Variants in ARIH1 observed in about 807,000 individuals in gnomAD.
The protein encoded by ARIH1 is E3 ubiquitin-protein ligase ARIH1.
Under a neutral mutation model 85.0 loss-of-function variants are expected in ARIH1, and 8 were observed. That is an observed-to-expected ratio of 0.09 (90% CI 0.06 to 0.17). The LOEUF (loss-of-function observed/expected upper bound fraction) is 0.17. ARIH1 is among the 10% of genes least tolerant of loss of function. The pLI, the probability that ARIH1 is intolerant of heterozygous loss-of-function variation, is 1.00. For synonymous variants in ARIH1, 238 were observed against 253.6 expected (o/e 0.94, Z 0.59); for missense variants, 311 against 718.1 (o/e 0.43, Z 6.48).
At chr15:72,515,395 A>G (rs1348318129) in intron 1 of ARIH1, among the ~76,000 whole-genome samples, 2 of 152,190 alleles carry the variant, frequency 1.3e-5, no homozygotes, top group African/African-American at 4.8e-5. Flanking sequence ...GTCTTTGATA[A>G]TTGTAATATC....
At chr15:72,549,126 C>T (rs1173210673) in intron 3 of ARIH1, among the ~76,000 whole-genome samples, 5 of 147,340 alleles carry the variant, frequency 3.4e-5, no homozygotes, top group East Asian at 3.9e-4. Flanking sequence ...CTTGCTCTGT[C>T]GCCCAGGCTG....
intron 1 of ARIH1, among the ~76,000 whole-genome samples, chr15:72,478,894 A>G (rs1439739129): frequency 1.3e-5 from 2 of 152,134 alleles, no homozygotes; most frequent in African/African-American, 4.8e-5. Flanking sequence ...CTGAAGTGCA[A>G]TGGCAAGATC....
intron 1 of ARIH1, among the ~76,000 whole-genome samples, chr15:72,502,030 A>G (rs1219861861): frequency 6.6e-6 from 1 of 152,186 alleles, no homozygotes; most frequent in Admixed American, 6.5e-5. Context: ...TCTTGATGCA[A>G]AGTCATAGAC....
At chr15:72,493,512 G>A (rs16956988) in intron 1 of ARIH1, among the ~76,000 whole-genome samples, 5,854 of 152,138 alleles carry the variant, frequency 0.038, 339 homozygotes, top group African/African-American at 0.13. Context: ...GGGTTGGTGG[G>A]TTTTGCAGTA....
chr15:72,532,754 A>G (rs557975807), intron 2 of ARIH1, among the ~76,000 whole-genome samples: 3 of 152,258 alleles, frequency 2.0e-5, no homozygotes, highest in South Asian at 2.1e-4. Context: ...GTAACCCAGC[A>G]TGGCCACCTG....
chr15:72,575,728 A>G (rs1336781435), intron 11 of ARIH1, among the ~76,000 whole-genome samples: 1 of 152,174 alleles, frequency 6.6e-6, no homozygotes, highest in Non-Finnish European at 1.5e-5. Context: ...GGAACTTGAC[A>G]GGCTTGGAAA....
chr15:72,481,844 T>C (rs1156713539), intron 1 of ARIH1, among the ~76,000 whole-genome samples: 1 of 152,164 alleles, frequency 6.6e-6, no homozygotes, highest in Non-Finnish European at 1.5e-5. Context: ...TTCTTTTCTT[T>C]TCTTTTTTGG....
intron 3 of ARIH1, among the ~76,000 whole-genome samples, chr15:72,545,933 C>T (rs567853071): frequency 2.6e-5 from 4 of 152,112 alleles, no homozygotes; most frequent in African/African-American, 9.7e-5. Flanking sequence ...TAACTTAATT[C>T]TATGATAATT....
chr15:72,478,777 G>A (rs991935503), intron 1 of ARIH1, among the ~76,000 whole-genome samples: 3 of 152,184 alleles, frequency 2.0e-5, no homozygotes, highest in African/African-American at 7.2e-5. Flanking sequence ...TTTGACTCAG[G>A]CAGGGTGAGT....
intron 1 of ARIH1, among the ~76,000 whole-genome samples, chr15:72,511,855 G>A (rs1040522210): frequency 1.3e-5 from 2 of 151,974 alleles, no homozygotes; most frequent in African/African-American, 4.8e-5. Flanking sequence ...CTTCTTTTTC[G>A]TTTCCTAGTT....
intron 2 of ARIH1, among the ~76,000 whole-genome samples, chr15:72,538,914 T>A (rs149160406): frequency 6.6e-6 from 1 of 152,226 alleles, no homozygotes; most frequent in African/African-American, 2.4e-5. Flanking sequence ...TAGAGAAATA[T>A]AGGCCATAGG....
At chr15:72,520,921 A>G (rs1311112281) in intron 2 of ARIH1, among the ~76,000 whole-genome samples, 1 of 151,506 alleles carries the variant, frequency 6.6e-6, no homozygotes, top group Non-Finnish European at 1.5e-5. Flanking sequence ...ATGGCTCACT[A>G]TAGCCTTGAC....
chr15:72,581,480 T>C (rs1322843104), intron 12 of ARIH1: 2 of 157,516 alleles, frequency 1.3e-5, no homozygotes, highest in Non-Finnish European at 2.8e-5. Flanking sequence ...GTGGTTATCT[T>C]TAGTGGAGAA....
At position 72,584,156 on chromosome 15, in the gene ARIH1, A is replaced by T. The variant is rs1442335488; in HGVS notation, c.*864A>T. ...TTATTTTGCCCTTTCTGGTGTTGGT[A>T]TGTCTGTTGCCGGCCATGGGCCTCA... On this transcript the variant is annotated 3_prime_UTR_variant, in exon 14 of 14. Coordinates refer to ENST00000379887, the MANE Select transcript of ARIH1 (RefSeq NM_005744.5). 1 of 152,020 alleles carries T rather than the reference A, an allele frequency of 6.6e-6. No individual in the cohort carries two copies. Among genetic ancestry groups the T allele is most frequent in the Non-Finnish European group, 1.5e-5 (1 of 68,066 alleles). 9.4% of individuals were successfully genotyped at this position (152,020 alleles called of 1,614,324 possible). A position where few individuals can be genotyped will look rare whatever the true frequency, so the allele number is the denominator to read the frequency against.
intron 2 of ARIH1, among the ~76,000 whole-genome samples, chr15:72,522,765 T>A (rs1567346102): frequency 6.6e-6 from 1 of 152,184 alleles, no homozygotes; most frequent in Non-Finnish European, 1.5e-5. Context: ...CAAAGGACTC[T>A]TGTCCGAAAT....
At chr15:72,575,588 A>G (rs1242453591) in intron 11 of ARIH1, among the ~76,000 whole-genome samples, 1 of 147,662 alleles carries the variant, frequency 6.8e-6, no homozygotes, top group Non-Finnish European at 1.5e-5. Flanking sequence ...TCTTATTAGC[A>G]GTGATGGTAT....
chr15:72,553,362 C>CT (rs1031439686), intron 3 of ARIH1, among the ~76,000 whole-genome samples: 1 of 152,062 alleles, frequency 6.6e-6, no homozygotes, highest in Non-Finnish European at 1.5e-5. Context: ...TACTATTATC[C>CT]TTAGCTATTC....
At chr15:72,549,444 A>AG (rs2064143982) in intron 3 of ARIH1, among the ~76,000 whole-genome samples, 2 of 152,192 alleles carry the variant, frequency 1.3e-5, no homozygotes, top group Non-Finnish European at 2.9e-5. Flanking sequence ...AGATATGTGA[A>AG]GTAGGTAAAG....
At chr15:72,552,448 T>C (rs573043124) in intron 3 of ARIH1, among the ~76,000 whole-genome samples, 194 of 152,224 alleles carry the variant, frequency 1.3e-3, no homozygotes, top group Non-Finnish European at 2.2e-3. Flanking sequence ...CTACCACACC[T>C]GGCTAGTTTT....
Sources: allele counts gnomAD v4.1 joint callset (sites outside exome capture counted in the v4.1 genomes callset), GRCh38; gene constraint gnomAD v4.1.1; transcripts MANE v1.5; gene names NCBI Gene and HGNC (gene_info 2026-07-23, HGNC 2026-07-21).